The following RASA1 variants were observed in gnomAD, a reference collection of about 807,000 sequenced individuals.
RASA1 encodes RAS p21 protein activator 1.
Under a neutral mutation model 132.2 loss-of-function variants are expected in RASA1, and 25 were observed. That is an observed-to-expected ratio of 0.19 (90% CI 0.14 to 0.26). The LOEUF is 0.26. Ranked by LOEUF, RASA1 falls within the 10% of genes least tolerant of loss-of-function variation. RASA1 has a pLI of 1.00. For missense variants in RASA1, 964 were observed against 1,299.2 expected, an observed-to-expected ratio of 0.74 and a Z score of 3.97; for synonymous variants, 477 against 449.9, an observed-to-expected ratio of 1.06 and a Z score of -0.76.
At chr5:87,374,591 ACTAGGGTTT>A (rs1202267622) in intron 14 of RASA1, among the ~76,000 whole-genome samples, 1 of 151,630 alleles carries the variant, frequency 6.6e-6, no homozygotes, top group Non-Finnish European at 1.5e-5. Context: ...CAAAACATTT[ACTAGGGTTT>A]CCAGTACTTA....
chr5:87,343,353 A>G (rs1758617546), intron 6 of RASA1, among the ~76,000 whole-genome samples: 1 of 152,156 alleles, frequency 6.6e-6, no homozygotes, highest in African/African-American at 2.4e-5. Context: ...GTAACCTCCA[A>G]GTTGATCTCC....
rs143340417 is a variant in RASA1 at position 87,334,301 on chromosome 5, G to A, written c.899+964G>A. Among the ~76,000 whole-genome samples, 3 of 152,268 alleles carry A rather than the reference G, an allele frequency of 2.0e-5. No individual in the cohort carries two copies. In the East Asian group the frequency reaches 5.8e-4, roughly 29 times the overall value. ...GAGATGAGATGTCCCAGCTCAACCA[G>A]TAAGGCAGCAGAAAGGGATGAATTT... is the stretch of plus-strand genomic sequence containing the variant. On this transcript the variant is annotated intron_variant, in intron 4 of 24. Transcript: ENST00000274376.
chr5:87,374,275 C>G lies in RASA1; in HGVS notation c.1889C>G (p.Ala630Gly). 1 of 1,604,210 alleles carries G rather than the reference C, an allele frequency of 6.2e-7. No individual in the cohort carries two copies. The highest frequency in any genetic ancestry group is 8.5e-7 in the Non-Finnish European group (1 of 1,174,438). The change falls in exon 14 of 25, where the codon GCA becomes GGA. Residue 630 changes from alanine to glycine, a missense_variant. Coordinates refer to ENST00000274376, the MANE Select transcript of RASA1 (RefSeq NM_002890.3). Reference protein sequence around the residue: ...LNSVQVAKTHAREGQNPVWSE... With the variant: ...LNSVQVAKTHGREGQNPVWSE... ...AGTGTCCAAGTAGCAAAAACTCATG[C>G]AAGGGAAGGGCAAAACCCAGTATGG...
chr5:87,385,656 T>C (rs979639709), intron 22 of RASA1, among the ~76,000 whole-genome samples: 1 of 152,092 alleles, frequency 6.6e-6, no homozygotes, highest in Non-Finnish European at 1.5e-5. Flanking sequence ...ACATAATCAA[T>C]GAGTACATTT....
chr5:87,357,244 A>C (rs185212505), intron 9 of RASA1, among the ~76,000 whole-genome samples: 2 of 151,992 alleles, frequency 1.3e-5, no homozygotes, highest in East Asian at 3.9e-4. Flanking sequence ...ATAAATATAT[A>C]TATGTTTTAT....
At chr5:87,282,225 A>C (rs1458015276) in intron 1 of RASA1, among the ~76,000 whole-genome samples, 2 of 152,024 alleles carry the variant, frequency 1.3e-5, no homozygotes, top group Admixed American at 1.3e-4. Flanking sequence ...TTTATTGAAG[A>C]ATTTCCTTAT....
chr5:87,314,417 A>C (rs569256188), intron 1 of RASA1, among the ~76,000 whole-genome samples: 1 of 152,276 alleles, frequency 6.6e-6, no homozygotes, highest in East Asian at 1.9e-4. Context: ...AAAACTGAAA[A>C]ATCTGTTGTA....
chr5:87,353,365 T>C, intron 9 of RASA1, 130 bp downstream of exon 9: 2 of 795,248 alleles, frequency 2.5e-6, no homozygotes, highest in Non-Finnish European at 4.2e-6. Flanking sequence ...TTAGATTTTT[T>C]TAGAAAGTCA....
chr5:87,372,715 T>A (rs748667815), intron 13 of RASA1, among the ~76,000 whole-genome samples: 1 of 152,188 alleles, frequency 6.6e-6, no homozygotes, highest in Non-Finnish European at 1.5e-5. Flanking sequence ...AGGGTAACTT[T>A]ATAACCTCCA....
At chr5:87,362,945 A>G (rs1321293995) in intron 10 of RASA1, among the ~76,000 whole-genome samples, 1 of 149,750 alleles carries the variant, frequency 6.7e-6, no homozygotes, top group Admixed American at 6.7e-5. Context: ...CACATGGCAC[A>G]TTCATAATAT....
chr5:87,293,532 C>T (rs1754995370), intron 1 of RASA1, among the ~76,000 whole-genome samples: 1 of 152,170 alleles, frequency 6.6e-6, no homozygotes, highest in South Asian at 2.1e-4. Context: ...AGAGATTGGT[C>T]TGTAGTTTTC....
intron 11 of RASA1, among the ~76,000 whole-genome samples, chr5:87,365,388 T>C (rs1442196553): frequency 1.3e-5 from 2 of 152,102 alleles, no homozygotes; most frequent in African/African-American, 4.8e-5. Context: ...ACCTCAGTAC[T>C]TCCTACTTTC....
intron 1 of RASA1, among the ~76,000 whole-genome samples, chr5:87,313,537 C>G (rs1580234267): frequency 6.6e-6 from 1 of 152,268 alleles, no homozygotes; most frequent in East Asian, 1.9e-4. Flanking sequence ...TCCTCATCTC[C>G]CACCTGCCAG....
At chr5:87,324,631 A>C (rs1757083177) in intron 1 of RASA1, among the ~76,000 whole-genome samples, 1 of 152,172 alleles carries the variant, frequency 6.6e-6, no homozygotes, top group African/African-American at 2.4e-5. Context: ...TCTGAGATAA[A>C]TACATACACA....
At chr5:87,323,756 T>A (rs999535571) in intron 1 of RASA1, among the ~76,000 whole-genome samples, 1 of 152,184 alleles carries the variant, frequency 6.6e-6, no homozygotes, top group South Asian at 2.1e-4. Flanking sequence ...CTGCCTGTTA[T>A]ATTTTTCTCA....
In RASA1 at chr5:87,376,544, A is replaced by C. The variant is rs1333905681; in HGVS notation, c.2163A>C (p.Glu721Asp). The C allele has an allele frequency of 6.2e-7, 1 of 1,614,032 alleles. No homozygotes were observed. The highest frequency in any genetic ancestry group is 1.7e-5 in the Admixed American group (1 of 60,026). The stretch of plus-strand genomic sequence containing the variant: ...CTATGGAAAAAATCATGCCAGAAGA[A>C]GAGTACAGTGAATTTAAAGAGGTAT... ...RYSMEKIMPE[E>D]EYSEFKELIL... The change falls in exon 16 of 25, where the codon GAA becomes GAC. Residue 721 changes from glutamate to aspartate, a missense_variant. Glu to Asp is a conservative substitution (Grantham distance 45). Around this residue, in one of 6 missense-constraint regions of RASA1, gnomAD observed 346 missense variants for 520.1 expected, o/e 0.67. Transcript: ENST00000274376.
chr5:87,329,793 T>G (rs1214909895), intron 1 of RASA1, among the ~76,000 whole-genome samples: 5 of 152,170 alleles, frequency 3.3e-5, no homozygotes, highest in African/African-American at 1.2e-4. Context: ...AAGGATAACC[T>G]AAGGATATCC....
chr5:87,345,531 G>T, intron 6 of RASA1, among the ~76,000 whole-genome samples: 1 of 152,190 alleles, frequency 6.6e-6, no homozygotes, highest in African/African-American at 2.4e-5. Flanking sequence ...AACTGTTTTA[G>T]TTGTTGTATT....
intron 1 of RASA1, among the ~76,000 whole-genome samples, chr5:87,312,979 C>G (rs571858175): frequency 6.6e-6 from 1 of 152,080 alleles, no homozygotes; most frequent in Non-Finnish European, 1.5e-5. Context: ...GATACTTTCC[C>G]TGTTGGAATT....
Sources: gnomAD v4.1 joint callset for allele counts (sites outside exome capture counted in the v4.1 genomes callset) on GRCh38, gnomAD v4.1.1 for gene constraint, gnomAD v4.1.1 regional missense constraint, MANE v1.5 for transcripts, NCBI Gene and HGNC (gene_info 2026-07-23, HGNC 2026-07-21) for gene names.